Variants in ZNF558 observed in about 807,000 individuals in gnomAD.
ZNF558 encodes the protein zinc finger protein 558.
Under a neutral mutation model 37.6 loss-of-function variants are expected in ZNF558, and 23 were observed. The observed-to-expected ratio is 0.61, with a 90% CI of 0.44 to 0.87. The LOEUF is 0.87. Ranked by LOEUF, ZNF558 falls within the 40% of genes least tolerant of loss-of-function variation. The pLI, the probability that ZNF558 is intolerant of heterozygous loss-of-function variation, is 0.00. For missense variants in ZNF558, 429 were observed against 483.7 expected, an observed-to-expected ratio of 0.89 and a Z score of 1.06; for synonymous variants, 189 against 174.4, an observed-to-expected ratio of 1.08 and a Z score of -0.66.
chr19:8,820,391 T>C (rs982941004), intron 7 of ZNF558, among the ~76,000 whole-genome samples: 3 of 152,138 alleles, frequency 2.0e-5, no homozygotes, highest in Middle Eastern at 3.2e-3. Flanking sequence ...AATAGAAAAA[T>C]GGATTGGCAA....
At chr19:8,832,808 A>G (rs2044395165), upstream of ZNF558, among the ~76,000 whole-genome samples, 1 of 145,314 alleles carries the variant, frequency 6.9e-6, no homozygotes, top group Non-Finnish European at 1.5e-5. Flanking sequence ...GGCGGGGCTG[A>G]GCGGGAACCA....
rs2044116591 is a variant in ZNF558 at position 8,822,387 on chromosome 19, A to C, written c.31+242T>G. On this transcript the variant is annotated intron_variant, in intron 5 of 9. Transcript: ENST00000601372. This position sits in a 1 kb window ranked among gnomAD's most constrained non-coding sequence, Gnocchi z 4.4. ...GTCACTGTGTTTTTATCAGATTCAC[A>C]GAAAGAACTAAAGGGAGAATTCAAA... Among the ~76,000 whole-genome samples the C allele has an allele frequency of 6.6e-6, 1 of 152,188 alleles. No individual in the cohort carries two copies. The highest frequency in any genetic ancestry group is 2.1e-4 in the South Asian group (1 of 4,828).
chr19:8,833,989 A>G (rs1360614204), upstream of ZNF558, among the ~76,000 whole-genome samples: 4 of 151,876 alleles, frequency 2.6e-5, no homozygotes, highest in Non-Finnish European at 5.9e-5. Flanking sequence ...CTCCATCTCA[A>G]AAAACAAAAC....
intron 2 of ZNF558, among the ~76,000 whole-genome samples, chr19:8,826,672 C>T (rs551595874): frequency 1.4e-4 from 22 of 152,252 alleles, no homozygotes; most frequent in African/African-American, 5.3e-4. Flanking sequence ...TGTTTATAAG[C>T]ACTGGTCCGT....
At chr19:8,814,245 A>C (rs894504881) in intron 7 of ZNF558, among the ~76,000 whole-genome samples, 49 of 152,178 alleles carry the variant, frequency 3.2e-4, no homozygotes, top group African/African-American at 1.1e-3. Flanking sequence ...TAGTACTTGC[A>C]GGGAGCAGAA....
At chr19:8,835,445 C>T (rs184351314), upstream of ZNF558, among the ~76,000 whole-genome samples, 4 of 152,314 alleles carry the variant, frequency 2.6e-5, no homozygotes, top group Admixed American at 2.6e-4. Flanking sequence ...CCCCATTAAT[C>T]ATTAGGGAAG....
At chr19:8,821,371 G>A (rs2044085135) in intron 6 of ZNF558, 65 bp from the exon 7 acceptor site, 2 of 1,613,838 alleles carry the variant, frequency 1.2e-6, no homozygotes, top group Middle Eastern at 1.6e-4. Flanking sequence ...CAGGAAGAGG[G>A]GCCAGGAGAA....
intron 7 of ZNF558, among the ~76,000 whole-genome samples, chr19:8,820,878 C>T (rs2044069158): frequency 6.6e-6 from 1 of 151,990 alleles, no homozygotes. Context: ...TAGGTAAATT[C>T]CTAAAGACAG....
intron 9 of ZNF558, 101 bp from the exon 10 acceptor site, chr19:8,812,164 T>A: frequency 8.6e-7 from 1 of 1,157,630 alleles, no homozygotes. Context: ...TACATTATTA[T>A]AATTGATATT....
chr19:8,811,779 T>G lies in ZNF558; in HGVS notation c.711A>C (p.Glu237Asp). Residue 237 changes from glutamate (E) to aspartate (D), a missense_variant, in exon 10 of 10, where the codon GAA (glutamate) becomes GAC (aspartate). Coordinates refer to ENST00000601372, the MANE Select transcript of ZNF558 (RefSeq NM_144693.3). The part of the protein sequence containing the change: ...LRIHTGEKPY[E>D]CNQCFHVFRT... ...GGAAAACGTGAAAACACTGGTTACA[T>G]TCATAGGGTTTTTCTCCAGTGTGAA... The G allele has an allele frequency of 6.2e-7, 1 of 1,614,154 alleles. No individual in the cohort carries two copies. Among genetic ancestry groups the G allele is most frequent in the Non-Finnish European group, 8.5e-7 (1 of 1,180,018 alleles).
intron 2 of ZNF558, among the ~76,000 whole-genome samples, chr19:8,830,057 ACTGAAT>A (rs1487663908): frequency 6.6e-6 from 1 of 152,094 alleles, no homozygotes; most frequent in Non-Finnish European, 1.5e-5. Context: ...GTAGGAGGTG[ACTGAAT>A]CATGGGGGCG....
rs1555767667 is a variant in ZNF558 at position 8,811,096 on chromosome 19, G to A, written c.*185C>T. ...TGCAGTGTAACTACAGAGATAAGCT[G>A]TTCTTGAATTCCTGATCTGTAGAAA... On this transcript the variant is annotated 3_prime_UTR_variant, in exon 10 of 10. Coordinates refer to ENST00000601372, the MANE Select transcript of ZNF558 (RefSeq NM_144693.3). 4 of 580,704 alleles carry A rather than the reference G, an allele frequency of 6.9e-6. No individual in the cohort carries two copies. The highest frequency in any genetic ancestry group is 3.4e-5 in the Admixed American group (1 of 29,408). 36.0% of individuals were successfully genotyped at this position (580,704 alleles called of 1,614,324 possible).
chr19:8,822,742 G>A lies in ZNF558; in HGVS notation c.-65-18C>T, dbSNP rs2044126889. 2.5e-6 allele frequency: 4 copies of A among 1,605,378 alleles called. No homozygotes were observed. The highest frequency in any genetic ancestry group is 3.4e-6 in the Non-Finnish European group (4 of 1,173,994). ...GCAGCGCTCTGGAAGAAACGGGAAT[G>A]CTCCAAGTCTCCGTGGCCTCCTCCC... is the stretch of plus-strand genomic sequence containing the variant. On this transcript the variant is annotated intron_variant, in intron 4 of 9. Coordinates refer to ENST00000601372, the MANE Select transcript of ZNF558 (RefSeq NM_144693.3). The surrounding 1 kb of genome is among the most constrained non-coding windows in gnomAD (Gnocchi z 4.4).
upstream of ZNF558, among the ~76,000 whole-genome samples, chr19:8,835,048 G>GT (rs777643019): frequency 8.2e-3 from 1,168 of 142,032 alleles, no homozygotes; most frequent in Middle Eastern, 0.018. Context: ...TGAACAAAGA[G>GT]TTTTTTTTTT....
At chr19:8,828,929 C>T (rs2044289900) in intron 2 of ZNF558, among the ~76,000 whole-genome samples, 1 of 150,494 alleles carries the variant, frequency 6.6e-6, no homozygotes, top group Non-Finnish European at 1.5e-5. Context: ...TGCCATTGCA[C>T]TCCAGCCTGG....
chr19:8,807,753 A>G lies in ZNF558; in HGVS notation c.*3528T>C, dbSNP rs1486410235. 1.3e-5 allele frequency: 2 copies of G among 152,036 alleles called. No individual in the cohort carries two copies. The highest frequency in any genetic ancestry group is 2.4e-5 in the African/African-American group (1 of 41,378). The allele number at this position is 152,036 out of a possible 1,614,324, so 9.4% of individuals were successfully genotyped here. A position where few individuals can be genotyped will look rare whatever the true frequency, so the allele number is the denominator to read the frequency against. Reference sequence around the variant, plus strand: ...CTCTCCTAAAATGCTTTTTTTTCCTATAACTCTATAATACCATATTTTCTT... The same window carrying G: ...CTCTCCTAAAATGCTTTTTTTTCCTGTAACTCTATAATACCATATTTTCTT... On this transcript the variant is annotated 3_prime_UTR_variant, in exon 10 of 10. Coordinates refer to ENST00000601372, the MANE Select transcript of ZNF558 (RefSeq NM_144693.3).
intron 7 of ZNF558, among the ~76,000 whole-genome samples, chr19:8,818,053 T>C (rs931692763): frequency 1.3e-5 from 2 of 152,164 alleles, no homozygotes; most frequent in African/African-American, 4.8e-5. Context: ...ACATGGAACA[T>C]TCTCCAGGAT....
chr19:8,815,406 T>C (rs956146330), intron 7 of ZNF558, among the ~76,000 whole-genome samples: 1 of 152,092 alleles, frequency 6.6e-6, no homozygotes, highest in Admixed American at 6.6e-5. Context: ...AAATGAAACA[T>C]TCAGAACATA....
chr19:8,836,795 A>G (rs1287751484), upstream of ZNF558, among the ~76,000 whole-genome samples: 1 of 152,230 alleles, frequency 6.6e-6, no homozygotes, highest in African/African-American at 2.4e-5. Context: ...ATCCAGCTTA[A>G]GTGTATCTTA....
Sources: gnomAD v4.1 joint callset for allele counts (sites outside exome capture counted in the v4.1 genomes callset) on GRCh38, gnomAD v4.1.1 for gene constraint, Gnocchi (gnomAD v3.1) non-coding constraint, MANE v1.5 for transcripts, NCBI Gene and HGNC (gene_info 2026-07-23, HGNC 2026-07-21) for gene names.